MTMR8: variants seen among roughly 807,000 people sequenced by gnomAD.
MTMR8 encodes the protein myotubularin related protein 8.
Under a neutral mutation model 39.3 loss-of-function variants are expected in MTMR8, and 65 were observed. The observed-to-expected ratio is 1.65, with a 90% CI of 1.35 to 2.03. The LOEUF is 2.03. Ranked by LOEUF, MTMR8 falls within the 30% of genes most tolerant of loss-of-function variation. The pLI is 0.00. For missense variants in MTMR8, 777 were observed against 538.9 expected, an observed-to-expected ratio of 1.44 and a Z score of -4.37; for synonymous variants, 245 against 185.2, an observed-to-expected ratio of 1.32 and a Z score of -2.62.
At chrX:64,373,288 A>G (rs1466427695) in intron 1 of MTMR8, among the ~76,000 whole-genome samples, 3 of 111,474 alleles carry the variant, frequency 2.7e-5, no homozygotes, top group Non-Finnish European at 5.7e-5. Context: ...GTAATCCCCA[A>G]TGTTAAAGGA....
At chrX:64,312,711 G>T (rs1342475068) in intron 12 of MTMR8, among the ~76,000 whole-genome samples, 1 of 112,248 alleles carries the variant, frequency 8.9e-6, no homozygotes, top group Non-Finnish European at 1.9e-5. Context: ...CATACAAAGT[G>T]TATTTCCTAA....
chrX:64,347,435 A>T (rs1300065190), intron 6 of MTMR8, among the ~76,000 whole-genome samples: 2 of 112,148 alleles, frequency 1.8e-5, no homozygotes, highest in African/African-American at 6.5e-5. Flanking sequence ...CAAGCTTCTG[A>T]GAAACTGAAG....
intron 12 of MTMR8, among the ~76,000 whole-genome samples, chrX:64,280,069 T>TA (rs1373397233): frequency 9.0e-6 from 1 of 111,482 alleles, no homozygotes; most frequent in Non-Finnish European, 1.9e-5. Flanking sequence ...GCCTACCAAC[T>TA]AAAAAAAGCC....
At chrX:64,293,800 G>A (rs1206384657) in intron 12 of MTMR8, among the ~76,000 whole-genome samples, 2 of 111,968 alleles carry the variant, frequency 1.8e-5, no homozygotes, top group Non-Finnish European at 3.8e-5. Context: ...ATGTAAAGGA[G>A]CAATTACTTA....
chrX:64,297,767 A>G (rs960563611), intron 12 of MTMR8, among the ~76,000 whole-genome samples: 1 of 110,965 alleles, frequency 9.0e-6, no homozygotes, highest in African/African-American at 3.3e-5. Flanking sequence ...TATAAGGTGT[A>G]AGGAAAGGAT....
At chrX:64,366,837 AACAAAATTGATAG>A (rs1470617307) in intron 1 of MTMR8, among the ~76,000 whole-genome samples, 1 of 111,978 alleles carries the variant, frequency 8.9e-6, no homozygotes, top group East Asian at 2.8e-4. Context: ...TGAAAAGATC[AACAAAATTGATAG>A]ACCACTAGCA....
intron 11 of MTMR8, among the ~76,000 whole-genome samples, chrX:64,330,967 G>A (rs1922923566): frequency 8.9e-6 from 1 of 111,737 alleles, no homozygotes; most frequent in Non-Finnish European, 1.9e-5. Context: ...CAGAGGGAAA[G>A]GGTAGGAAGC....
At chrX:64,354,265 C>G (rs1923563323) in intron 4 of MTMR8, among the ~76,000 whole-genome samples, 1 of 108,717 alleles carries the variant, frequency 9.2e-6, no homozygotes, top group South Asian at 4.0e-4. Context: ...AGTAGCAAAA[C>G]AGGACGACTA....
chrX:64,386,015 G>A (rs997971871), intron 1 of MTMR8, among the ~76,000 whole-genome samples: 14 of 110,543 alleles, frequency 1.3e-4, no homozygotes, highest in African/African-American at 1.6e-4. Context: ...ATCCCCAAAC[G>A]GACCAGTTTT....
At chrX:64,365,675 A>T (rs192453690) in intron 1 of MTMR8, among the ~76,000 whole-genome samples, 20 of 111,976 alleles carry the variant, frequency 1.8e-4, no homozygotes, top group Non-Finnish European at 3.0e-4. Flanking sequence ...TGTAAAGATC[A>T]TCGAGGCTAG....
At chrX:64,291,886 G>C (rs1356418313) in intron 12 of MTMR8, among the ~76,000 whole-genome samples, 1 of 111,566 alleles carries the variant, frequency 9.0e-6, no homozygotes, top group Non-Finnish European at 1.9e-5. Flanking sequence ...TGACTTTTGA[G>C]AGAGAGGCAC....
At chrX:64,367,675 A>G in intron 1 of MTMR8, among the ~76,000 whole-genome samples, 1 of 112,181 alleles carries the variant, frequency 8.9e-6, no homozygotes, top group East Asian at 2.8e-4. Flanking sequence ...CAAAAACTGG[A>G]AGCATTCCCT....
rs775920790 is a variant in MTMR8, at chrX:64,279,915, G to A, written c.1482-8842C>T. 4.5e-5 allele frequency among the ~76,000 whole-genome samples: 5 copies of A among 111,896 alleles called. No individual in the cohort carries two copies. In the South Asian group the frequency reaches 1.9e-3, roughly 42 times the overall value. On this transcript the variant is annotated intron_variant, in intron 12 of 13. Coordinates refer to ENST00000374852, the MANE Select transcript of MTMR8 (RefSeq NM_017677.4). Reference sequence around the variant, plus strand: ...AGTCTTTCAAACAAATGGGTGCTGGGAAAACTTTATATCCACATGCAAAAG... The same window carrying A: ...AGTCTTTCAAACAAATGGGTGCTGGAAAAACTTTATATCCACATGCAAAAG...
At chrX:64,318,113 ACC>A (rs778418655) in intron 12 of MTMR8, among the ~76,000 whole-genome samples, 48 of 112,020 alleles carry the variant, frequency 4.3e-4, no homozygotes, top group Non-Finnish European at 7.7e-4. Context: ...TTACCTTATT[ACC>A]ACTTAGTGGA....
chrX:64,338,323 TA>T (rs1431995056), intron 8 of MTMR8, among the ~76,000 whole-genome samples: 1 of 110,303 alleles, frequency 9.1e-6, no homozygotes, highest in Admixed American at 9.6e-5. Flanking sequence ...CAATGAAAAA[TA>T]AAAGGGGAAA....
chrX:64,296,849 C>G lies in MTMR8; in HGVS notation c.1482-25776G>C, dbSNP rs1394852964. 2.5e-3 allele frequency among the ~76,000 whole-genome samples: 245 copies of G among 98,257 alleles called. 1 individual carries two copies. The highest frequency in any genetic ancestry group is 8.0e-3 in the African/African-American group (212 of 26,637). The allele number at this position is 98,257 out of a possible 115,157, so 85.3% of individuals were successfully genotyped here. A position where few individuals can be genotyped will look rare whatever the true frequency, so the allele number is the denominator to read the frequency against. Reference sequence around the variant, plus strand: ...TGCGGTGTTTGGTTTTTTGTTCTTGCGATAGTTTACTGAGAATGATGATTT... The same window carrying G: ...TGCGGTGTTTGGTTTTTTGTTCTTGGGATAGTTTACTGAGAATGATGATTT... On this transcript the variant is annotated intron_variant, in intron 12 of 13. Coordinates refer to ENST00000374852, the MANE Select transcript of MTMR8 (RefSeq NM_017677.4).
At chrX:64,301,199 C>T (rs1447739672) in intron 12 of MTMR8, among the ~76,000 whole-genome samples, 9 of 110,044 alleles carry the variant, frequency 8.2e-5, no homozygotes, top group Non-Finnish European at 1.3e-4. Context: ...TTCTCCTCAT[C>T]ACTTTCAGGT....
chrX:64,307,570 C>A (rs1159444464), intron 12 of MTMR8, among the ~76,000 whole-genome samples: 1 of 111,488 alleles, frequency 9.0e-6, no homozygotes, highest in African/African-American at 3.3e-5. Flanking sequence ...TATCCCTCTA[C>A]CACTGCCGCA....
intron 12 of MTMR8, among the ~76,000 whole-genome samples, chrX:64,314,882 AG>A (rs1336286594): frequency 9.0e-6 from 1 of 111,418 alleles, no homozygotes; most frequent in Non-Finnish European, 1.9e-5. Flanking sequence ...GCAGACCCCC[AG>A]GGTACCAAGA....
Sources: gnomAD v4.1 joint callset for allele counts (sites outside exome capture counted in the v4.1 genomes callset) on GRCh38, gnomAD v4.1.1 for gene constraint, MANE v1.5 for transcripts, NCBI Gene and HGNC (gene_info 2026-07-23, HGNC 2026-07-21) for gene names.